The following CLIC2 variants were observed in gnomAD, a reference collection of about 807,000 sequenced individuals.
CLIC2 encodes CLIC family member 2, also known as chloride intracellular channel protein 2.
Under a neutral mutation model 14.8 loss-of-function variants are expected in CLIC2, and 9 were observed. The observed-to-expected ratio is 0.61, with a 90% CI of 0.37 to 1.06. The LOEUF is 1.06. Ranked by LOEUF, CLIC2 falls within the 50% of genes least tolerant of loss-of-function variation. CLIC2 has a pLI of 0.01. For missense variants in CLIC2, 148 were observed against 181.4 expected (o/e 0.82, Z 1.06); for synonymous variants, 61 against 66.3 (o/e 0.92, Z 0.39).
chrX:155,287,840 G>A (rs1569561217), intron 3 of CLIC2, among the ~76,000 whole-genome samples: 1 of 112,129 alleles, frequency 8.9e-6, no homozygotes, highest in African/African-American at 3.2e-5. Context: ...GCTTTGGGCA[G>A]TATGGTCATT....
At chrX:155,321,703 C>T (rs1557321667) in intron 1 of CLIC2, among the ~76,000 whole-genome samples, 1 of 111,815 alleles carries the variant, frequency 8.9e-6, no homozygotes. Context: ...CAAATTCACA[C>T]ATAACAATAT....
Position 155,278,075 on chromosome X carries a change from G to GC in CLIC2, c.583-12dup. 8.3e-7 allele frequency: 1 copy of GC among 1,203,371 alleles called. No homozygotes were observed. The highest frequency in any genetic ancestry group is 1.7e-5 in the African/African-American group (1 of 57,277). On this transcript the variant is annotated splice_polypyrimidine_tract_variant and intron_variant, in intron 5 of 5. Coordinates refer to ENST00000369449, the MANE Select transcript of CLIC2 (RefSeq NM_001289.6). The stretch of plus-strand genomic sequence containing the variant: ...TTTCTTGGCAGCAACCTAGAATTTT[G>GC]CAAAAAAAAGAGGAAAAAGAAGGCA...
chrX:155,329,259 A>T (rs2075148600), intron 1 of CLIC2, among the ~76,000 whole-genome samples: 1 of 109,279 alleles, frequency 9.2e-6, no homozygotes, highest in South Asian at 4.1e-4. Context: ...TCTATAGGAA[A>T]AAATCTAATA....
At chrX:155,319,758 T>C (rs1557321437) in intron 1 of CLIC2, among the ~76,000 whole-genome samples, 1 of 111,276 alleles carries the variant, frequency 9.0e-6, no homozygotes, top group Non-Finnish European at 1.9e-5. Flanking sequence ...AGCCAAGTGG[T>C]CTAGCTCAGT....
At chrX:155,333,935 C>T (rs782564226) in intron 1 of CLIC2, among the ~76,000 whole-genome samples, 2 of 110,059 alleles carry the variant, frequency 1.8e-5, no homozygotes, top group Admixed American at 9.8e-5. Context: ...AGGTCATTCT[C>T]GGCCCTCTCC....
intron 3 of CLIC2, among the ~76,000 whole-genome samples, chrX:155,288,418 T>C (rs782813535): frequency 8.9e-6 from 1 of 112,131 alleles, no homozygotes; most frequent in East Asian, 2.8e-4. Context: ...TTCTGGAATG[T>C]CCATTTACTT....
chrX:155,313,017 C>T (rs782149489), intron 1 of CLIC2, among the ~76,000 whole-genome samples: 58 of 110,499 alleles, frequency 5.2e-4, no homozygotes, highest in African/African-American at 1.7e-3. Context: ...GAATGAGACA[C>T]CATCTCACGC....
intron 1 of CLIC2, among the ~76,000 whole-genome samples, chrX:155,332,385 AGAT>A (rs1352748131): frequency 8.9e-6 from 1 of 111,781 alleles, no homozygotes; most frequent in Non-Finnish European, 1.9e-5. Context: ...AACCTGGACC[AGAT>A]GATATTTGAG....
chrX:155,321,495 T>A (rs190919791), intron 1 of CLIC2, among the ~76,000 whole-genome samples: 1 of 111,999 alleles, frequency 8.9e-6, no homozygotes, highest in Non-Finnish European at 1.9e-5. Context: ...AATAAAATCC[T>A]TTACAGACAA....
At chrX:155,324,058 T>C (rs947553769) in intron 1 of CLIC2, among the ~76,000 whole-genome samples, 56 of 112,155 alleles carry the variant, frequency 5.0e-4, no homozygotes, top group African/African-American at 1.8e-3. Flanking sequence ...TCCATGCTCA[T>C]GGATAGGAAT....
At chrX:155,289,512 A>G (rs1165603892) in intron 3 of CLIC2, among the ~76,000 whole-genome samples, 1 of 112,431 alleles carries the variant, frequency 8.9e-6, no homozygotes, top group Non-Finnish European at 1.9e-5. Flanking sequence ...TTAAATCTGA[A>G]TATTTGTTCA....
chrX:155,322,813 C>A lies in CLIC2; in HGVS notation c.57+11558G>T, dbSNP rs996964746. On this transcript the variant is annotated intron_variant, in intron 1 of 5. Transcript: ENST00000369449. ...CAAAATAGATTGACTGCTAGCCAGACTAATAAAGAAGAAAACTGAGAGGAA... is the reference window on the plus strand; with the variant it reads ...CAAAATAGATTGACTGCTAGCCAGAATAATAAAGAAGAAAACTGAGAGGAA... 3.6e-5 allele frequency among the ~76,000 whole-genome samples: 4 copies of A among 111,087 alleles called. No homozygotes were observed. The East Asian group carries it at 1.1e-3, about 31-fold the overall frequency.
At chrX:155,282,007 C>T (rs2074921527) in intron 3 of CLIC2, among the ~76,000 whole-genome samples, 1 of 111,160 alleles carries the variant, frequency 9.0e-6, no homozygotes, top group African/African-American at 3.3e-5. Context: ...TAACTCATTA[C>T]AGTAGCCTAT....
At chrX:155,290,933 A>C (rs1557317540) in intron 3 of CLIC2, 2 of 700,272 alleles carry the variant, frequency 2.9e-6, no homozygotes, top group Non-Finnish European at 4.6e-6. Context: ...CCTCAGCTGC[A>C]GTCAGTGGGG....
Position 155,300,327 on chromosome X carries a change from GTGA to G in CLIC2, c.58-1185_58-1183del, listed in dbSNP as rs1557318895. 3.6e-5 allele frequency among the ~76,000 whole-genome samples: 4 copies of G among 110,271 alleles called. No individual in the cohort carries two copies. In the South Asian group the frequency reaches 1.2e-3, roughly 32 times the overall value. ...TTGATTTGCATTTCTCTGATGGCCA[GTGA>G]TGATGAGCATTTTTTCATGTGTTTT... On this transcript the variant is annotated intron_variant, in intron 1 of 5. Coordinates refer to ENST00000369449, the MANE Select transcript of CLIC2 (RefSeq NM_001289.6).
At chrX:155,305,960 A>G (rs1415846282) in intron 1 of CLIC2, among the ~76,000 whole-genome samples, 1 of 112,292 alleles carries the variant, frequency 8.9e-6, no homozygotes, top group African/African-American at 3.2e-5. Flanking sequence ...GTTTTCTTCT[A>G]GTACCATCAT....
rs782148859 is a variant in CLIC2, at chrX:155,306,702, C to T, written c.58-7557G>A. 2.7e-5 allele frequency among the ~76,000 whole-genome samples: 3 copies of T among 110,608 alleles called. No individual in the cohort carries two copies. The South Asian group carries it at 1.2e-3, about 42-fold the overall frequency. ...CTCATAGCAGAAATTGAACTGGGAG[C>T]AGACACTTCACATGGCGAAAGCAGG... On this transcript the variant is annotated intron_variant, in intron 1 of 5. Coordinates refer to ENST00000369449, the MANE Select transcript of CLIC2 (RefSeq NM_001289.6).
chrX:155,333,260 T>C, intron 1 of CLIC2, among the ~76,000 whole-genome samples: 1 of 111,554 alleles, frequency 9.0e-6, no homozygotes. Context: ...GGGAGCTGTA[T>C]AGTTTTAGAG....
chrX:155,321,238 G>T (rs1367286753), intron 1 of CLIC2, among the ~76,000 whole-genome samples: 1 of 111,157 alleles, frequency 9.0e-6, no homozygotes, highest in Non-Finnish European at 1.9e-5. Context: ...TCCTCGAGAA[G>T]AGCAACCCCA....
Sources: allele counts gnomAD v4.1 joint callset (sites outside exome capture counted in the v4.1 genomes callset), GRCh38; gene constraint gnomAD v4.1.1; transcripts MANE v1.5; gene names NCBI Gene and HGNC (gene_info 2026-07-23, HGNC 2026-07-21).